MYRIP: variants seen among roughly 807,000 people sequenced by gnomAD.
MYRIP encodes the protein myosin VIIA and Rab interacting protein, also known as rab effector MyRIP.
A neutral mutation model predicts 98.0 loss-of-function variants in MYRIP; 49 were observed. That is an observed-to-expected ratio of 0.50 (90% CI 0.40 to 0.63). The LOEUF is 0.63. MYRIP is among the 30% of genes least tolerant of loss of function. The pLI, the probability that MYRIP is intolerant of heterozygous loss-of-function variation, is 0.00. For synonymous variants in MYRIP, 404 were observed against 409.5 expected, an observed-to-expected ratio of 0.99 and a Z score of 0.16; for missense variants, 1,004 against 1,058.2, an observed-to-expected ratio of 0.95 and a Z score of 0.71.
At chr3:39,988,667 C>G (rs1275699110) in intron 2 of MYRIP, among the ~76,000 whole-genome samples, 1 of 151,674 alleles carries the variant, frequency 6.6e-6, no homozygotes, top group Non-Finnish European at 1.5e-5. Flanking sequence ...TAGGTTTGGT[C>G]TTTTTGCATA....
intron 1 of MYRIP, among the ~76,000 whole-genome samples, chr3:39,848,820 C>T (rs879075236): frequency 2.0e-5 from 3 of 152,010 alleles, no homozygotes; most frequent in Admixed American, 6.6e-5. Flanking sequence ...CTTCCCTAAA[C>T]GTGTTGCTAA....
intron 11 of MYRIP, among the ~76,000 whole-genome samples, chr3:40,224,907 G>C (rs1952445443): frequency 6.6e-6 from 1 of 152,230 alleles, no homozygotes; most frequent in Non-Finnish European, 1.5e-5. Context: ...ACATGAGTCT[G>C]TTCATGGAGA....
At chr3:40,074,257 G>A (rs547082968) in intron 3 of MYRIP, among the ~76,000 whole-genome samples, 2 of 152,020 alleles carry the variant, frequency 1.3e-5, no homozygotes, top group East Asian at 3.9e-4. Flanking sequence ...TGTGTTTTTA[G>A]TAGAGACAGG....
intron 2 of MYRIP, among the ~76,000 whole-genome samples, chr3:39,992,738 C>T (rs964892489): frequency 2.6e-5 from 4 of 152,206 alleles, no homozygotes; most frequent in Non-Finnish European, 4.4e-5. Flanking sequence ...AACTTTCTGC[C>T]TCCTACAAAT....
At chr3:40,044,384 G>C in intron 3 of MYRIP, 113 bp downstream of exon 3, 1 of 1,025,800 alleles carries the variant, frequency 9.7e-7, no homozygotes, top group Non-Finnish European at 1.5e-6. Flanking sequence ...ACAGAGTATT[G>C]ACCAAAGTAA....
At chr3:40,065,280 A>C (rs1193439104) in intron 3 of MYRIP, among the ~76,000 whole-genome samples, 2 of 152,152 alleles carry the variant, frequency 1.3e-5, no homozygotes, top group East Asian at 3.9e-4. Flanking sequence ...TGACACCCAT[A>C]TTGGACTGGG....
intron 5 of MYRIP, among the ~76,000 whole-genome samples, chr3:40,164,588 G>A (rs1950464887): frequency 6.6e-6 from 1 of 152,194 alleles, no homozygotes; most frequent in East Asian, 1.9e-4. Context: ...GCAACACCTG[G>A]ACTAGTGTTT....
intron 2 of MYRIP, among the ~76,000 whole-genome samples, chr3:39,929,065 T>C (rs553337434): frequency 6.6e-6 from 1 of 152,068 alleles, no homozygotes; most frequent in African/African-American, 2.4e-5. Context: ...CATGGACACA[T>C]ATGGATACTG....
chr3:40,209,699 A>G (rs940056658), intron 10 of MYRIP, among the ~76,000 whole-genome samples, 155 bp from the exon 11 acceptor site: 4 of 149,338 alleles, frequency 2.7e-5, no homozygotes, highest in Non-Finnish European at 4.5e-5. Flanking sequence ...GGTAAAACTA[A>G]AAGTCCATCT....
intron 2 of MYRIP, among the ~76,000 whole-genome samples, chr3:39,978,414 A>G (rs1445069575): frequency 6.6e-6 from 1 of 152,142 alleles, no homozygotes; most frequent in Non-Finnish European, 1.5e-5. Context: ...GAGTGTGGCT[A>G]GTGTCTCCCA....
chr3:40,243,864 T>C (rs1269919384), intron 12 of MYRIP, among the ~76,000 whole-genome samples: 1 of 152,250 alleles, frequency 6.6e-6, no homozygotes, highest in South Asian at 2.1e-4. Flanking sequence ...GACAGATAAA[T>C]AGATACATGC....
intron 2 of MYRIP, among the ~76,000 whole-genome samples, chr3:40,011,135 G>A (rs1946752033): frequency 6.6e-6 from 1 of 152,138 alleles, no homozygotes; most frequent in African/African-American, 2.4e-5. Flanking sequence ...GCAAGATGGG[G>A]GAGAAAAGGC....
intron 16 of MYRIP, 73 bp downstream of exon 16, chr3:40,252,072 C>A: frequency 8.6e-7 from 1 of 1,164,784 alleles, no homozygotes; most frequent in Non-Finnish European, 1.3e-6. Flanking sequence ...GCCTTTCCTT[C>A]TGTAGCTCCC....
Position 39,950,021 on chromosome 3 carries a change from T to C in MYRIP, c.110+49095T>C, listed in dbSNP as rs115566925. On this transcript the variant is annotated intron_variant, in intron 2 of 16. Coordinates refer to ENST00000302541, the MANE Select transcript of MYRIP (RefSeq NM_015460.4). ...TCCTTATTTATATTACCCTGGAACA[T>C]AATTTCAGACAGCATTTAGTTTGAA... is the stretch of plus-strand genomic sequence containing the variant. Among the ~76,000 whole-genome samples, 944 of 152,324 alleles carry C rather than the reference T, an allele frequency of 6.2e-3. 7 individuals are homozygous for C. Among genetic ancestry groups the C allele is most frequent in the Non-Finnish European group, 6.2e-3 (422 of 68,030 alleles).
In MYRIP at chr3:40,085,768, T is replaced by C. The variant is rs530186970; in HGVS notation, c.332+41497T>C. Among the ~76,000 whole-genome samples, 95 of 152,270 alleles carry C rather than the reference T, an allele frequency of 6.2e-4. 1 individual carries two copies. Among genetic ancestry groups the C allele is most frequent in the African/African-American group, 2.1e-3 (89 of 41,562 alleles). On this transcript the variant is annotated intron_variant, in intron 3 of 16. Transcript: ENST00000302541. ...AAAGGAAGGAAGGAAGCAGCAGCAA[T>C]GGAAGAGTAAAAATATGGGTACATA...
At chr3:40,090,482 C>T (rs762269621) in intron 3 of MYRIP, among the ~76,000 whole-genome samples, 3 of 152,136 alleles carry the variant, frequency 2.0e-5, no homozygotes, top group South Asian at 2.1e-4. Context: ...AAAAAACCCT[C>T]GTTCCTTGTT....
rs1321003953 is a variant in MYRIP at position 39,887,251 on chromosome 3, T to C, written c.-30-13536T>C. On this transcript the variant is annotated intron_variant, in intron 1 of 16. Coordinates refer to ENST00000302541, the MANE Select transcript of MYRIP (RefSeq NM_015460.4). ...AAGAGAAAGCAGGAAAGATCCAAAA[T>C]TGACACCCTAACATCACAATTAAAA... Among the ~76,000 whole-genome samples the C allele has an allele frequency of 2.6e-5, 4 of 151,696 alleles. No individual in the cohort carries two copies. In the East Asian group the frequency reaches 5.8e-4, roughly 22 times the overall value.
At chr3:40,038,038 G>A (rs536179763) in intron 2 of MYRIP, among the ~76,000 whole-genome samples, 1 of 151,838 alleles carries the variant, frequency 6.6e-6, no homozygotes, top group African/African-American at 2.4e-5. Context: ...AACACATATG[G>A]GGCTTTACAC....
intron 2 of MYRIP, among the ~76,000 whole-genome samples, chr3:40,006,138 A>C (rs1946628310): frequency 6.6e-6 from 1 of 152,256 alleles, no homozygotes; most frequent in African/African-American, 2.4e-5. Context: ...ACTTGGAGGC[A>C]TCCAGGCCAT....
Sources: gnomAD v4.1 joint callset for allele counts (sites outside exome capture counted in the v4.1 genomes callset) on GRCh38, gnomAD v4.1.1 for gene constraint, MANE v1.5 for transcripts, NCBI Gene and HGNC (gene_info 2026-07-23, HGNC 2026-07-21) for gene names.